NEO1: variants seen among roughly 807,000 people sequenced by gnomAD.
The protein encoded by NEO1 is neogenin.
Under a neutral mutation model 159.7 loss-of-function variants are expected in NEO1, and 63 were observed. That is an observed-to-expected ratio of 0.39 (90% confidence interval 0.32 to 0.49). NEO1 has a LOEUF of 0.49. Among genes scored for constraint, NEO1 ranks in the 20% least tolerant of loss-of-function variants. The probability of loss-of-function intolerance (pLI) is 0.85; values close to 1 mark genes in which losing one functional copy is unlikely to be tolerated. For synonymous variants in NEO1, 633 were observed against 662.0 expected (o/e 0.96, Z 0.67); for missense variants, 1,615 against 1,831.0 (o/e 0.88, Z 2.15).
intron 7 of NEO1, among the ~76,000 whole-genome samples, chr15:73,199,362 A>G (rs2036729958): frequency 6.6e-6 from 1 of 151,820 alleles, no homozygotes; most frequent in Non-Finnish European, 1.5e-5. Context: ...TCTCCACCAT[A>G]AAGTTACTTT....
intron 1 of NEO1, among the ~76,000 whole-genome samples, chr15:73,114,527 T>A (rs2071187180): frequency 6.6e-6 from 1 of 152,200 alleles, no homozygotes; most frequent in Non-Finnish European, 1.5e-5. Flanking sequence ...TGAGTGTAAT[T>A]CACTCTTACT....
intron 1 of NEO1, among the ~76,000 whole-genome samples, chr15:73,077,798 G>A (rs1048981924): frequency 6.6e-6 from 1 of 152,130 alleles, no homozygotes; most frequent in African/African-American, 2.4e-5. Flanking sequence ...CTGTAAAAGG[G>A]GTGCAGAGTG....
chr15:73,190,354 GGAA>G lies in NEO1; in HGVS notation c.1291+11932_1291+11934del, dbSNP rs547647521. Among the ~76,000 whole-genome samples, 535 of 152,238 alleles carry G rather than the reference GGAA, an allele frequency of 3.5e-3. 3 individuals are homozygous for G. The highest frequency in any genetic ancestry group is 0.012 in the African/African-American group (488 of 41,552). ...ATTGCCAAATTTTAGTTCTAGTAAA[GGAA>G]GAAGGATTCATGAAAAGGGAGTAAC... On this transcript the variant is annotated intron_variant, in intron 7 of 28. Transcript: ENST00000261908.
chr15:73,098,121 A>G (rs1188280327), intron 1 of NEO1, among the ~76,000 whole-genome samples: 1 of 151,886 alleles, frequency 6.6e-6, no homozygotes, highest in Non-Finnish European at 1.5e-5. Context: ...TAACAATACT[A>G]ATGCTAACTG....
At chr15:73,242,388 C>T (rs1054802167) in intron 8 of NEO1, among the ~76,000 whole-genome samples, 9 of 152,042 alleles carry the variant, frequency 5.9e-5, no homozygotes, top group African/African-American at 9.7e-5. Context: ...TCATAAGGGA[C>T]CAGGTGTGGT....
At chr15:73,193,953 G>A (rs1045023188) in intron 7 of NEO1, among the ~76,000 whole-genome samples, 2 of 152,042 alleles carry the variant, frequency 1.3e-5, no homozygotes, top group Non-Finnish European at 2.9e-5. Context: ...ATGGGAAGAG[G>A]TGTATATGCA....
chr15:73,293,943 C>G (rs1037782455), intron 26 of NEO1, among the ~76,000 whole-genome samples: 1 of 152,102 alleles, frequency 6.6e-6, no homozygotes, highest in East Asian at 1.9e-4. Context: ...TTGGGTAGGT[C>G]CAAAGGTTAA....
chr15:73,056,368 A>G (rs2067696801), intron 1 of NEO1, among the ~76,000 whole-genome samples: 1 of 152,198 alleles, frequency 6.6e-6, no homozygotes, highest in Non-Finnish European at 1.5e-5. Context: ...AGTTATGGTC[A>G]CTATTCTGTG....
intron 1 of NEO1, among the ~76,000 whole-genome samples, chr15:73,096,908 T>C (rs1216194443): frequency 6.6e-6 from 1 of 152,136 alleles, no homozygotes; most frequent in Non-Finnish European, 1.5e-5. Context: ...GATGATTGCT[T>C]GAGCACAGGA....
At chr15:73,190,552 T>C (rs930464758) in intron 7 of NEO1, among the ~76,000 whole-genome samples, 1 of 152,126 alleles carries the variant, frequency 6.6e-6, no homozygotes, top group Admixed American at 6.5e-5. Flanking sequence ...CATTGAATAA[T>C]AGAAGTTCTG....
At chr15:73,186,864 C>T (rs2035961178) in intron 7 of NEO1, among the ~76,000 whole-genome samples, 1 of 152,140 alleles carries the variant, frequency 6.6e-6, no homozygotes, top group Non-Finnish European at 1.5e-5. Flanking sequence ...AGCTACTTAA[C>T]TCTACCATTC....
chr15:73,093,957 A>G (rs1205595704), intron 1 of NEO1, among the ~76,000 whole-genome samples: 2 of 151,872 alleles, frequency 1.3e-5, no homozygotes, highest in Admixed American at 6.6e-5. Flanking sequence ...TGTTTTTAGC[A>G]CTTCCTTACC....
chr15:73,135,827 T>C, intron 4 of NEO1, 64 bp from the exon 5 acceptor site: 1 of 1,378,736 alleles, frequency 7.3e-7, no homozygotes, highest in South Asian at 1.7e-5. Context: ...ATGTGGAGAG[T>C]TTTTCAGGTA....
chr15:73,115,983 T>G (rs893176556), intron 1 of NEO1, among the ~76,000 whole-genome samples: 8 of 152,166 alleles, frequency 5.3e-5, no homozygotes, highest in Non-Finnish European at 1.0e-4. Context: ...AGCTTAAAAT[T>G]TATTCTTATA....
At chr15:73,133,452 A>C (rs1339255996) in intron 4 of NEO1, among the ~76,000 whole-genome samples, 1 of 152,146 alleles carries the variant, frequency 6.6e-6, no homozygotes, top group African/African-American at 2.4e-5. Flanking sequence ...TGCAGTGTAC[A>C]CTGTTTGGGT....
At chr15:73,149,312 T>TAAA (rs11370260) in intron 5 of NEO1, among the ~76,000 whole-genome samples, 2 of 137,766 alleles carry the variant, frequency 1.5e-5, no homozygotes, top group Non-Finnish European at 1.6e-5. Context: ...AGACTCGGTC[T>TAAA]AAAAAAAAAA....
At chr15:73,278,032 T>C in intron 21 of NEO1, 99 bp from the exon 22 acceptor site, 1 of 1,019,944 alleles carries the variant, frequency 9.8e-7, no homozygotes, top group Non-Finnish European at 1.5e-6. Flanking sequence ...CAGAATAGAC[T>C]AAAAATTGTG....
intron 1 of NEO1, among the ~76,000 whole-genome samples, chr15:73,092,218 A>G (rs2069732946): frequency 6.6e-6 from 1 of 152,184 alleles, no homozygotes; most frequent in African/African-American, 2.4e-5. Flanking sequence ...TTAGTCACCT[A>G]GTCACCACTC....
chr15:73,273,675 T>C (rs1428979281), intron 19 of NEO1, 136 bp from the exon 20 acceptor site: 17 of 658,882 alleles, frequency 2.6e-5, no homozygotes, highest in Non-Finnish European at 4.2e-5. Context: ...ATTATTTTAA[T>C]TGTAGACCCT....
Sources: gnomAD v4.1 joint callset for allele counts (sites outside exome capture counted in the v4.1 genomes callset) on GRCh38, gnomAD v4.1.1 for gene constraint, MANE v1.5 for transcripts, NCBI Gene and HGNC (gene_info 2026-07-23, HGNC 2026-07-21) for gene names.